Variants in COL22A1 observed in about 807,000 individuals in gnomAD.
COL22A1 encodes collagen type XXII alpha 1 chain.
COL22A1 carries 221 observed loss-of-function variants against 248.9 expected under a neutral mutation model. The observed-to-expected ratio is 0.89, with a 90% CI of 0.80 to 0.99. The LOEUF (loss-of-function observed/expected upper bound fraction) is 0.99, where lower values mean the gene tolerates loss of function less well. Ranked by LOEUF, COL22A1 falls within the 50% of genes least tolerant of loss-of-function variation. The pLI, the probability that COL22A1 is intolerant of heterozygous loss-of-function variation, is 0.00. For synonymous variants in COL22A1, 891 were observed against 793.4 expected, an observed-to-expected ratio of 1.12 and a Z score of -2.07; for missense variants, 2,240 against 2,179.0, an observed-to-expected ratio of 1.03 and a Z score of -0.56.
rs746884693 is a variant in COL22A1, at chr8:138,715,671, G to C, written c.2517+11C>G. 6.2e-7 allele frequency: 1 copy of C among 1,604,856 alleles called. No homozygotes were observed. The highest frequency in any genetic ancestry group is 8.5e-7 in the Non-Finnish European group (1 of 1,174,462). On this transcript the variant is annotated intron_variant, in intron 30 of 64. Transcript: ENST00000303045. ...TAATTGATGGTCAGAATGAGAGCAA[G>C]TTTCTCCTACCTTTTCACCTCGGTC...
chr8:138,910,493 TC>T (rs1429567994), intron 1 of COL22A1, among the ~76,000 whole-genome samples: 3 of 152,180 alleles, frequency 2.0e-5, no homozygotes, highest in Admixed American at 2.0e-4. Context: ...CATTCCCACT[TC>T]CCAGAACTCT....
rs1833567399 is a variant in COL22A1, at chr8:138,762,481, C to A, written c.1804-15G>T. 2 of 1,613,688 alleles carry A rather than the reference C, an allele frequency of 1.2e-6. No homozygotes were observed. The highest frequency in any genetic ancestry group is 2.2e-5 in the East Asian group (1 of 44,872). On this transcript the variant is annotated splice_polypyrimidine_tract_variant and intron_variant, in intron 16 of 64. Coordinates refer to ENST00000303045, the MANE Select transcript of COL22A1 (RefSeq NM_152888.3). ...CCTCGCTCTCCCTGGCAAAAGAAGG[C>A]AAATGGTGAAATAAAGAGGTTAGTG...
intron 41 of COL22A1, among the ~76,000 whole-genome samples, chr8:138,667,240 C>T (rs1824586822): frequency 6.6e-6 from 1 of 152,166 alleles, no homozygotes; most frequent in Non-Finnish European, 1.5e-5. Context: ...TACCCTAATA[C>T]CCAGATTTGG....
chr8:138,798,373 G>T (rs1816727135), intron 11 of COL22A1, among the ~76,000 whole-genome samples: 1 of 151,274 alleles, frequency 6.6e-6, no homozygotes, highest in Non-Finnish European at 1.5e-5. Context: ...GATCTTTTTT[G>T]AATTGAGTAC....
chr8:138,831,603 G>C (rs113910771), intron 5 of COL22A1, among the ~76,000 whole-genome samples: 2 of 152,124 alleles, frequency 1.3e-5, no homozygotes, highest in African/African-American at 4.8e-5. Flanking sequence ...ACGTGTCCCA[G>C]GTAGAGGAAG....
At chr8:138,805,926 G>GTGTGAC (rs1817564109) in intron 10 of COL22A1, among the ~76,000 whole-genome samples, 1 of 148,806 alleles carries the variant, frequency 6.7e-6, no homozygotes, top group South Asian at 2.2e-4. Context: ...AGGTGACGGT[G>GTGTGAC]TGTGACTGTG....
chr8:138,823,346 C>T (rs896175904), intron 6 of COL22A1, among the ~76,000 whole-genome samples: 5 of 152,206 alleles, frequency 3.3e-5, no homozygotes, highest in African/African-American at 1.2e-4. Context: ...GTGAAACCTT[C>T]TCTGATAAAC....
At chr8:138,813,332 C>T (rs1818399983) in intron 7 of COL22A1, among the ~76,000 whole-genome samples, 1 of 152,132 alleles carries the variant, frequency 6.6e-6, no homozygotes, top group East Asian at 1.9e-4. Flanking sequence ...GAGAGGGTTT[C>T]CCCCATACTG....
chr8:138,637,349 G>A (rs185528609), intron 47 of COL22A1, among the ~76,000 whole-genome samples: 6 of 152,150 alleles, frequency 3.9e-5, no homozygotes, highest in African/African-American at 9.7e-5. Flanking sequence ...AGCACCAAAC[G>A]GGAAGCTTTG....
intron 58 of COL22A1, among the ~76,000 whole-genome samples, chr8:138,606,095 G>A (rs1386614778): frequency 1.3e-5 from 2 of 152,214 alleles, no homozygotes; most frequent in Non-Finnish European, 2.9e-5. Flanking sequence ...AGAAGTAGAT[G>A]CTGTCGTTAT....
intron 56 of COL22A1, among the ~76,000 whole-genome samples, chr8:138,608,763 T>C (rs2131866758): frequency 6.6e-6 from 1 of 152,296 alleles, no homozygotes; most frequent in African/African-American, 2.4e-5. Flanking sequence ...CCAGGCTGTG[T>C]TCGTCTCTTC....
intron 1 of COL22A1, among the ~76,000 whole-genome samples, chr8:138,891,227 T>C (rs1056257840): frequency 1.3e-5 from 2 of 152,230 alleles, no homozygotes; most frequent in African/African-American, 2.4e-5. Context: ...ATATCTCATC[T>C]GATTGCTTAA....
intron 35 of COL22A1, among the ~76,000 whole-genome samples, chr8:138,692,157 T>TGCACGTGC: frequency 6.6e-6 from 1 of 151,886 alleles, no homozygotes. Context: ...GTGGTATGTG[T>TGCACGTGC]ATGTGTGGAG....
rs547953010 is a variant in COL22A1, at chr8:138,880,355, C to T, written c.92-2039G>A. Among the ~76,000 whole-genome samples, 52 of 152,222 alleles carry T rather than the reference C, an allele frequency of 3.4e-4. 1 individual carries two copies. In the South Asian group the frequency reaches 0.01, roughly 30 times the overall value. ...GAAAACCTGTGCGTGTGTGTGCACGCGCGATTGTGTATGTATGTATGCATG... is the reference window on the plus strand; with the variant it reads ...GAAAACCTGTGCGTGTGTGTGCACGTGCGATTGTGTATGTATGTATGCATG... On this transcript the variant is annotated intron_variant, in intron 2 of 64. Transcript: ENST00000303045.
intron 47 of COL22A1, 129 bp downstream of exon 47, chr8:138,646,500 G>T (rs1284908265): frequency 4.7e-6 from 3 of 635,930 alleles, no homozygotes; most frequent in Non-Finnish European, 7.6e-6. Context: ...GCCATGCTTA[G>T]ACCCAGAACA....
chr8:138,745,506 G>A (rs1373108670), intron 22 of COL22A1, among the ~76,000 whole-genome samples: 1 of 152,068 alleles, frequency 6.6e-6, no homozygotes. Context: ...TATGTTATGT[G>A]TCCATAAAAT....
chr8:138,769,628 T>G (rs181767197), intron 16 of COL22A1, among the ~76,000 whole-genome samples: 1 of 152,150 alleles, frequency 6.6e-6, no homozygotes, highest in Non-Finnish European at 1.5e-5. Context: ...ACCCACGGAC[T>G]TGGTACCTGA....
chr8:138,796,450 A>T (rs1816548237), intron 12 of COL22A1, among the ~76,000 whole-genome samples: 1 of 76,636 alleles, frequency 1.3e-5, no homozygotes, highest in African/African-American at 5.4e-5. Flanking sequence ...GATGTTTGTA[A>T]GTGTATCTCT....
intron 1 of COL22A1, among the ~76,000 whole-genome samples, chr8:138,908,697 G>A (rs1459133404): frequency 2.0e-5 from 3 of 152,070 alleles, no homozygotes; most frequent in Non-Finnish European, 2.9e-5. Context: ...CTCACATACC[G>A]CCTGGCACCA....
Sources: gnomAD v4.1 joint callset for allele counts (sites outside exome capture counted in the v4.1 genomes callset) on GRCh38, gnomAD v4.1.1 for gene constraint, MANE v1.5 for transcripts, NCBI Gene and HGNC (gene_info 2026-07-23, HGNC 2026-07-21) for gene names.